ZNF85: variants seen among roughly 807,000 people sequenced by gnomAD.
ZNF85 encodes zinc finger protein 85 (HPF4, HTF1).
A neutral mutation model predicts 53.9 loss-of-function variants in ZNF85; 50 were observed. That is an observed-to-expected ratio of 0.93 (90% CI 0.74 to 1.17). The LOEUF (loss-of-function observed/expected upper bound fraction) is 1.17, where lower values mean the gene tolerates loss of function less well. ZNF85 is among the 50% of genes most tolerant of loss of function. The pLI is 0.00. For missense variants in ZNF85, 747 were observed against 688.5 expected, an observed-to-expected ratio of 1.08 and a Z score of -0.95; for synonymous variants, 225 against 226.1, an observed-to-expected ratio of 1.00 and a Z score of 0.04.
intron 1 of ZNF85, among the ~76,000 whole-genome samples, chr19:20,932,567 G>T (rs1664358019): frequency 6.6e-6 from 1 of 152,098 alleles, no homozygotes; most frequent in Non-Finnish European, 1.5e-5. Flanking sequence ...GGAGTCATTT[G>T]TAAAGATGGA....
chr19:20,947,598 A>C (rs1036618389), intron 3 of ZNF85, among the ~76,000 whole-genome samples: 1 of 143,936 alleles, frequency 6.9e-6, no homozygotes, highest in African/African-American at 2.6e-5. Context: ...TAGTAATCTC[A>C]TAAGACTATG....
chr19:20,944,626 T>A (rs1384502827), intron 3 of ZNF85, among the ~76,000 whole-genome samples: 3 of 150,304 alleles, frequency 2.0e-5, no homozygotes, highest in Non-Finnish European at 3.0e-5. Context: ...CTGTATTACT[T>A]TTTTGCTATA....
At chr19:20,948,285 A>AT (rs1973470566) in intron 3 of ZNF85, among the ~76,000 whole-genome samples, 1 of 152,080 alleles carries the variant, frequency 6.6e-6, no homozygotes, top group Admixed American at 6.5e-5. Flanking sequence ...AGCAGACTCA[A>AT]ACTGCCATTC....
chr19:20,933,988 T>C, intron 1 of ZNF85, 36 bp from the exon 2 acceptor site: 1 of 1,520,090 alleles, frequency 6.6e-7, no homozygotes, highest in Middle Eastern at 1.8e-4. Context: ...TGTGTGTGTG[T>C]GTGTGTGTGT....
chr19:20,925,498 A>G (rs1599424390), intron 1 of ZNF85, among the ~76,000 whole-genome samples: 1 of 151,960 alleles, frequency 6.6e-6, no homozygotes, highest in East Asian at 1.9e-4. Context: ...CCCAGCTTCT[A>G]TTTCTTGGAG....
chr19:20,933,180 G>T, intron 1 of ZNF85, among the ~76,000 whole-genome samples: 1 of 140,084 alleles, frequency 7.1e-6, no homozygotes, highest in Non-Finnish European at 1.5e-5. Context: ...GCAGCAGAGC[G>T]AGACTCCGTC....
intron 1 of ZNF85, among the ~76,000 whole-genome samples, chr19:20,933,538 C>T (rs1280322083): frequency 2.6e-5 from 4 of 152,156 alleles, no homozygotes; most frequent in Non-Finnish European, 5.9e-5. Flanking sequence ...GTTAGAAATT[C>T]AGACAATCAG....
At chr19:20,947,488 C>CTTTTTTTTTTTTTTTTT (rs768097517) in intron 3 of ZNF85, among the ~76,000 whole-genome samples, 1 of 51,634 alleles carries the variant, frequency 1.9e-5, no homozygotes, top group African/African-American at 8.4e-5. Flanking sequence ...TGCCAATACA[C>CTTTTTTTTTTTTTTTTT]TTTTTTTTTT....
At chr19:20,939,651 A>T (rs189253684) in intron 3 of ZNF85, among the ~76,000 whole-genome samples, 1 of 152,310 alleles carries the variant, frequency 6.6e-6, no homozygotes, top group Admixed American at 6.5e-5. Context: ...CGTTAAGTCA[A>T]TGTGAGGTTT....
intron 1 of ZNF85, 55 bp from the exon 2 acceptor site, chr19:20,933,966 TGTG>T: frequency 1.7e-6 from 1 of 582,226 alleles, no homozygotes; most frequent in East Asian, 3.5e-5. Flanking sequence ...TATGTGTGTG[TGTG>T]TGTGTGTGTG....
At chr19:20,931,784 T>A (rs1292124883) in intron 1 of ZNF85, among the ~76,000 whole-genome samples, 1 of 152,120 alleles carries the variant, frequency 6.6e-6, no homozygotes, top group Non-Finnish European at 1.5e-5. Flanking sequence ...ATTTTTTCTA[T>A]TTTTAGTAGA....
In ZNF85 at chr19:20,949,003, A is replaced by G. The variant is rs756180221; in HGVS notation, c.489A>G (p.Arg163=). 20 of 1,613,540 alleles carry G rather than the reference A, an allele frequency of 1.2e-5. No individual in the cohort carries two copies. The highest frequency in any genetic ancestry group is 1.6e-5 in the Non-Finnish European group (19 of 1,179,762). Residue 163 remains arginine, a synonymous_variant, in exon 4 of 4, where the codon AGA becomes AGG. Coordinates refer to ENST00000328178, the MANE Select transcript of ZNF85 (RefSeq NM_003429.5). ...KVAHKFSNSN[R]HEIRHTKKKP... The stretch of plus-strand genomic sequence containing the variant: ...CTCATAAATTTTCAAATTCAAACAG[A>G]CATGAGATAAGACATACTAAAAAGA...
chr19:20,923,609 C>T (rs1972810917), intron 1 of ZNF85, among the ~76,000 whole-genome samples: 1 of 152,178 alleles, frequency 6.6e-6, no homozygotes. Context: ...CTTCCCTGCG[C>T]AGTGACTGTG....
At chr19:20,940,983 G>T (rs1017418018) in intron 3 of ZNF85, among the ~76,000 whole-genome samples, 1 of 152,012 alleles carries the variant, frequency 6.6e-6, no homozygotes, top group Non-Finnish European at 1.5e-5. Flanking sequence ...TGTCTCCCAG[G>T]TTCTGTGTTG....
chr19:20,930,269 T>G (rs1208783787), intron 1 of ZNF85, among the ~76,000 whole-genome samples: 2 of 152,170 alleles, frequency 1.3e-5, no homozygotes, highest in East Asian at 3.8e-4. Context: ...ATTTTTAAAT[T>G]TTGTATTAAA....
At chr19:20,927,541 A>T (rs1361606409) in intron 1 of ZNF85, 1 of 152,120 alleles carries the variant, frequency 6.6e-6, no homozygotes, top group East Asian at 1.9e-4. Context: ...TACAGTATGT[A>T]TCTGGCTATG....
At chr19:20,926,353 T>C (rs1972879715) in intron 1 of ZNF85, among the ~76,000 whole-genome samples, 1 of 152,184 alleles carries the variant, frequency 6.6e-6, no homozygotes, top group Admixed American at 6.5e-5. Context: ...TACTACATGA[T>C]TTTTTATAGA....
chr19:20,947,196 A>G (rs1568555320), intron 3 of ZNF85, among the ~76,000 whole-genome samples: 1 of 151,852 alleles, frequency 6.6e-6, no homozygotes, highest in African/African-American at 2.4e-5. Context: ...TATACAAAAA[A>G]TCTTTCTCAT....
chr19:20,942,018 A>G (rs111730375), intron 3 of ZNF85, among the ~76,000 whole-genome samples: 10 of 152,210 alleles, frequency 6.6e-5, no homozygotes, highest in African/African-American at 2.2e-4. Context: ...TGAAGAGGTT[A>G]TCTTTTTTTC....
Sources: allele counts gnomAD v4.1 joint callset (sites outside exome capture counted in the v4.1 genomes callset), GRCh38; gene constraint gnomAD v4.1.1; transcripts MANE v1.5; gene names NCBI Gene and HGNC (gene_info 2026-07-23, HGNC 2026-07-21).